PPP1R12B: variants seen among roughly 807,000 people sequenced by gnomAD.
PPP1R12B encodes the protein protein phosphatase 1 regulatory subunit 12B.
PPP1R12B carries 76 observed loss-of-function variants against 126.1 expected under a neutral mutation model. The observed-to-expected ratio is 0.60, with a 90% CI of 0.50 to 0.73. The LOEUF is 0.73. PPP1R12B is among the 30% of genes least tolerant of loss of function. PPP1R12B has a pLI of 0.00. For synonymous variants in PPP1R12B, 356 were observed against 434.7 expected, an observed-to-expected ratio of 0.82 and a Z score of 2.25; for missense variants, 1,052 against 1,205.1, an observed-to-expected ratio of 0.87 and a Z score of 1.88.
rs551137801 is a variant in PPP1R12B, at chr1:202,512,872, C to G, written c.2490+16050C>G. On this transcript the variant is annotated intron_variant, in intron 18 of 23. Transcript: ENST00000608999. ...TCCTCTAAGAAGCCTTCCTTTGACC[C>G]CCTCCCTGGACCAGACTAGGTTTCC... 5.9e-5 allele frequency among the ~76,000 whole-genome samples: 9 copies of G among 152,238 alleles called. No homozygotes were observed. The East Asian group carries it at 1.5e-3, about 26-fold the overall frequency.
rs35776890 is a variant in PPP1R12B at position 202,449,314 on chromosome 1, C to T, written c.1850+143C>T. 48 of 1,362,260 alleles carry T rather than the reference C, an allele frequency of 3.5e-5. No homozygotes were observed. In the East Asian group the frequency reaches 4.7e-4, roughly 13 times the overall value. 84.4% of individuals were successfully genotyped at this position (1,362,260 alleles called of 1,614,324 possible). A position where few individuals can be genotyped will look rare whatever the true frequency, so the allele number is the denominator to read the frequency against. ...TTTTTGAGACAGAGCCTCACTCTGTCGCCCAGGCTGGAGTGCAGTGGCGCC... is the reference window on the plus strand; with the variant it reads ...TTTTTGAGACAGAGCCTCACTCTGTTGCCCAGGCTGGAGTGCAGTGGCGCC... On this transcript the variant is annotated intron_variant, in intron 13 of 23. Coordinates refer to ENST00000608999, the MANE Select transcript of PPP1R12B (RefSeq NM_002481.4).
intron 1 of PPP1R12B, among the ~76,000 whole-genome samples, chr1:202,375,524 C>G (rs1432512361): frequency 6.6e-6 from 1 of 152,190 alleles, no homozygotes; most frequent in East Asian, 1.9e-4. Context: ...ACATCAGTGC[C>G]TCTAAGGAGC....
chr1:202,514,335 T>C (rs12410085), intron 18 of PPP1R12B, among the ~76,000 whole-genome samples: 62,350 of 152,106 alleles, frequency 0.41, 14,735 homozygotes, highest in East Asian at 0.7. Flanking sequence ...ATTATACCTT[T>C]GTCAGATGCA....
chr1:202,421,479 A>C (rs920954952), intron 2 of PPP1R12B, among the ~76,000 whole-genome samples: 8 of 151,862 alleles, frequency 5.3e-5, no homozygotes, highest in South Asian at 2.1e-4. Context: ...TCTACTAAAA[A>C]AATACAAAAA....
At position 202,428,948 on chromosome 1, in the gene PPP1R12B, C is replaced by T. The variant is rs1352470918; in HGVS notation, c.921+19C>T. 6.3e-7 allele frequency: 1 copy of T among 1,582,558 alleles called. No homozygotes were observed. The highest frequency in any genetic ancestry group is 1.4e-5 in the African/African-American group (1 of 73,138). On this transcript the variant is annotated intron_variant, in intron 6 of 23. Coordinates refer to ENST00000608999, the MANE Select transcript of PPP1R12B (RefSeq NM_002481.4). ...GAATGTGGTGAGTTTCTGATTGGTG[C>T]TTTCAAAAGTTTTCTAATAGTTTGC...
intron 18 of PPP1R12B, among the ~76,000 whole-genome samples, chr1:202,535,980 T>C (rs182719862): frequency 5.3e-5 from 8 of 152,356 alleles, no homozygotes; most frequent in Admixed American, 5.2e-4. Context: ...ACCCAGAATT[T>C]TACTGAAGGA....
chr1:202,452,821 T>C (rs1250154603), intron 13 of PPP1R12B, among the ~76,000 whole-genome samples: 1 of 151,878 alleles, frequency 6.6e-6, no homozygotes, highest in Non-Finnish European at 1.5e-5. Context: ...TATTACTTTC[T>C]CTCTCTCTCT....
chr1:202,364,348 T>C (rs1658750135), intron 1 of PPP1R12B, among the ~76,000 whole-genome samples: 1 of 152,140 alleles, frequency 6.6e-6, no homozygotes. Flanking sequence ...TCATTATTCA[T>C]GTTCCAAGAT....
chr1:202,471,808 T>TA (rs372816810), intron 13 of PPP1R12B: 21,536 of 1,069,462 alleles, frequency 0.02, no homozygotes, highest in South Asian at 0.04. Flanking sequence ...TTTTTTTTTT[T>TA]ATCCAAAATG....
chr1:202,538,854 TAC>T (rs1684819859), intron 18 of PPP1R12B, among the ~76,000 whole-genome samples: 2 of 152,330 alleles, frequency 1.3e-5, no homozygotes, highest in Middle Eastern at 3.4e-3. Context: ...GCAATTGCAC[TAC>T]TGTCTGTTTT....
intron 18 of PPP1R12B, among the ~76,000 whole-genome samples, chr1:202,506,291 A>T (rs1680798937): frequency 6.6e-6 from 1 of 152,224 alleles, no homozygotes; most frequent in Non-Finnish European, 1.5e-5. Flanking sequence ...GATTTTCTAT[A>T]TATGGGTTGT....
At chr1:202,571,024 G>C (rs1688541034) in intron 23 of PPP1R12B, among the ~76,000 whole-genome samples, 1 of 152,180 alleles carries the variant, frequency 6.6e-6, no homozygotes, top group South Asian at 2.1e-4. Flanking sequence ...GTACCTGGGA[G>C]CCCAAAGCCA....
chr1:202,416,568 A>G (rs1034885407), intron 1 of PPP1R12B, among the ~76,000 whole-genome samples: 5 of 151,524 alleles, frequency 3.3e-5, no homozygotes, highest in African/African-American at 1.2e-4. Context: ...ATTATACATG[A>G]AACTGTGTTT....
chr1:202,504,737 C>T (rs750127001), intron 18 of PPP1R12B, among the ~76,000 whole-genome samples: 4 of 152,166 alleles, frequency 2.6e-5, no homozygotes, highest in African/African-American at 9.7e-5. Flanking sequence ...GTTAAGAGGA[C>T]ACACCCAGGA....
rs367913255 is a variant in PPP1R12B at position 202,566,277 on chromosome 1, A to C, written c.2758-1501A>C. Among the ~76,000 whole-genome samples, 23 of 152,238 alleles carry C rather than the reference A, an allele frequency of 1.5e-4. No individual in the cohort carries two copies. In the East Asian group the frequency reaches 3.7e-3, roughly 24 times the overall value. ...TTCCAGTTGCTGGGGAAAAGCATTT[A>C]CTCTCTGGCCCACTGCTTTGCTGGG... On this transcript the variant is annotated intron_variant, in intron 21 of 23. Transcript: ENST00000608999.
At chr1:202,442,424 G>C in intron 11 of PPP1R12B, 23 bp from the exon 12 acceptor site, 1 of 1,599,786 alleles carries the variant, frequency 6.3e-7, no homozygotes, top group Non-Finnish European at 8.5e-7. Context: ...TCAGTGTTTT[G>C]TTTTCCTTTC....
intron 1 of PPP1R12B, among the ~76,000 whole-genome samples, chr1:202,370,667 G>C (rs1660065865): frequency 6.6e-6 from 1 of 152,030 alleles, no homozygotes; most frequent in African/African-American, 2.4e-5. Flanking sequence ...CTCCCTAGTA[G>C]CTGGGATTAC....
chr1:202,399,558 G>A (rs1374117642), intron 1 of PPP1R12B, among the ~76,000 whole-genome samples: 3 of 150,472 alleles, frequency 2.0e-5, no homozygotes, highest in South Asian at 2.1e-4. Context: ...GTGCAATGGC[G>A]CAATCTTGGC....
chr1:202,449,098 A>G lies in PPP1R12B; in HGVS notation c.1777A>G (p.Asn593Asp), dbSNP rs373694177. Residue 593 changes from asparagine (N) to aspartate (D), a missense_variant, in exon 13 of 24, where the codon AAT becomes GAT. Transcript: ENST00000608999. Reference protein sequence around the residue: ...ITNRPLPSTANGVTATPVLSI... With the variant: ...ITNRPLPSTADGVTATPVLSI... The stretch of plus-strand genomic sequence containing the variant: ...CAATCGCCCTCTTCCTAGCACTGCC[A>G]ATGGGGTTACAGCTACTCCTGTGCT... 28 of 1,613,722 alleles carry G rather than the reference A, an allele frequency of 1.7e-5. No individual in the cohort carries two copies. The highest frequency in any genetic ancestry group is 2.4e-5 in the Non-Finnish European group (28 of 1,179,836).
Sources: gnomAD v4.1 joint callset for allele counts (sites outside exome capture counted in the v4.1 genomes callset) on GRCh38, gnomAD v4.1.1 for gene constraint, MANE v1.5 for transcripts, NCBI Gene and HGNC (gene_info 2026-07-23, HGNC 2026-07-21) for gene names.